Variants in EFNA5 observed in about 807,000 individuals in gnomAD.
The protein encoded by EFNA5 is ephrin A5.
EFNA5 carries 5 observed loss-of-function variants against 22.9 expected under a neutral mutation model. The ratio of observed to expected loss-of-function variants is 0.22; its 90% CI spans 0.11 to 0.46. EFNA5 has a LOEUF of 0.46. Among genes scored for constraint, EFNA5 ranks in the 20% least tolerant of loss-of-function variants. The probability of loss-of-function intolerance (pLI) is 0.99; values close to 1 mark genes in which losing one functional copy is unlikely to be tolerated. For synonymous variants in EFNA5, 113 were observed against 112.2 expected, an observed-to-expected ratio of 1.01 and a Z score of -0.04; for missense variants, 237 against 293.3, an observed-to-expected ratio of 0.81 and a Z score of 1.40.
At position 107,430,571 on chromosome 5, in the gene EFNA5, T is replaced by A. The variant is rs572804835; in HGVS notation, c.126-3062A>T. On this transcript the variant is annotated intron_variant, in intron 1 of 4. Transcript: ENST00000333274. The stretch of plus-strand genomic sequence containing the variant: ...ATGTCAGTTTCTTCATGCCTAGAAG[T>A]TTGCTCTCCTTTCCTAACTCTTACC... 1.2e-4 allele frequency among the ~76,000 whole-genome samples: 18 copies of A among 152,156 alleles called. 1 individual carries two copies. In the South Asian group the frequency reaches 3.7e-3, roughly 32 times the overall value.
intron 1 of EFNA5, among the ~76,000 whole-genome samples, chr5:107,568,698 A>G (rs1478162948): frequency 6.6e-6 from 1 of 152,270 alleles, no homozygotes; most frequent in Non-Finnish European, 1.5e-5. Flanking sequence ...TAACAGAATC[A>G]GAAATGCCAA....
chr5:107,668,586 C>T (rs1357904123), intron 1 of EFNA5, among the ~76,000 whole-genome samples: 1 of 152,110 alleles, frequency 6.6e-6, no homozygotes, highest in Non-Finnish European at 1.5e-5. Flanking sequence ...AGAAAAAGAT[C>T]ACAATGTGGA....
At chr5:107,419,521 C>G (rs1375704373) in intron 2 of EFNA5, among the ~76,000 whole-genome samples, 1 of 152,166 alleles carries the variant, frequency 6.6e-6, no homozygotes, top group African/African-American at 2.4e-5. Flanking sequence ...CAAAGAAAAA[C>G]TAAATAGTTT....
chr5:107,449,518 C>T (rs774117726), intron 1 of EFNA5, among the ~76,000 whole-genome samples: 1 of 152,006 alleles, frequency 6.6e-6, no homozygotes, highest in Non-Finnish European at 1.5e-5. Context: ...TCCCCGCCCC[C>T]CCAACTACAC....
intron 1 of EFNA5, among the ~76,000 whole-genome samples, chr5:107,536,552 T>G (rs1747932441): frequency 6.6e-6 from 1 of 152,208 alleles, no homozygotes; most frequent in African/African-American, 2.4e-5. Flanking sequence ...CATAGGATAC[T>G]GTTTATAATC....
chr5:107,480,642 T>G (rs1417028345), intron 1 of EFNA5, among the ~76,000 whole-genome samples: 1 of 152,112 alleles, frequency 6.6e-6, no homozygotes, highest in Non-Finnish European at 1.5e-5. Flanking sequence ...CTTTCTTAAG[T>G]GTATAAAAAG....
chr5:107,492,084 C>T (rs1361702098), intron 1 of EFNA5, among the ~76,000 whole-genome samples: 3 of 152,186 alleles, frequency 2.0e-5, no homozygotes, highest in Non-Finnish European at 2.9e-5. Context: ...ATCTGCTCAC[C>T]TCTGCCTCCC....
At chr5:107,417,268 CAAT>C (rs1386959330) in intron 2 of EFNA5, among the ~76,000 whole-genome samples, 4 of 152,134 alleles carry the variant, frequency 2.6e-5, no homozygotes, top group Admixed American at 2.6e-4. Flanking sequence ...CAATTCCCAA[CAAT>C]AATAGACCTG....
chr5:107,521,223 G>C (rs910427448), intron 1 of EFNA5, among the ~76,000 whole-genome samples: 1 of 151,996 alleles, frequency 6.6e-6, no homozygotes, highest in Non-Finnish European at 1.5e-5. Context: ...TTAGCCTATG[G>C]TTTGGCAAAA....
intron 1 of EFNA5, among the ~76,000 whole-genome samples, chr5:107,515,799 C>G (rs903779812): frequency 1.3e-4 from 20 of 152,176 alleles, no homozygotes; most frequent in African/African-American, 4.6e-4. Context: ...CCTACTCATG[C>G]TCACGCCCCA....
At chr5:107,613,621 A>G (rs1283498129) in intron 1 of EFNA5, among the ~76,000 whole-genome samples, 1 of 152,146 alleles carries the variant, frequency 6.6e-6, no homozygotes, top group East Asian at 1.9e-4. Flanking sequence ...AATCATTTAC[A>G]TAAAGTATTT....
At chr5:107,630,128 G>T (rs1310038430) in intron 1 of EFNA5, among the ~76,000 whole-genome samples, 1 of 152,094 alleles carries the variant, frequency 6.6e-6, no homozygotes, top group Non-Finnish European at 1.5e-5. Flanking sequence ...TATCATTAGT[G>T]TTAGTGTATT....
chr5:107,471,290 C>T (rs577041600), intron 1 of EFNA5, among the ~76,000 whole-genome samples: 2 of 152,208 alleles, frequency 1.3e-5, no homozygotes, highest in East Asian at 3.9e-4. Flanking sequence ...TCTGTTGATT[C>T]CCCCTTTTTG....
chr5:107,401,389 T>C (rs1370681804), intron 2 of EFNA5, among the ~76,000 whole-genome samples: 1 of 152,342 alleles, frequency 6.6e-6, no homozygotes, highest in East Asian at 1.9e-4. Context: ...TGAAGTTTGC[T>C]AATTACAAAA....
chr5:107,382,787 A>T (rs1017308836), intron 4 of EFNA5, among the ~76,000 whole-genome samples: 1 of 152,176 alleles, frequency 6.6e-6, no homozygotes, highest in Non-Finnish European at 1.5e-5. Flanking sequence ...AGCAGTTGCC[A>T]TCTGGGAATT....
At chr5:107,615,962 T>C (rs942958584) in intron 1 of EFNA5, among the ~76,000 whole-genome samples, 9 of 152,198 alleles carry the variant, frequency 5.9e-5, no homozygotes, top group Non-Finnish European at 8.8e-5. Context: ...AGAACAATTC[T>C]GCATTTATAA....
chr5:107,649,906 A>G (rs1270791886), intron 1 of EFNA5, among the ~76,000 whole-genome samples: 1 of 152,174 alleles, frequency 6.6e-6, no homozygotes, highest in Non-Finnish European at 1.5e-5. Flanking sequence ...TGATTAAGTA[A>G]CTTGTCTAGG....
intron 2 of EFNA5, among the ~76,000 whole-genome samples, chr5:107,425,053 T>C (rs1026955332): frequency 6.6e-6 from 1 of 152,212 alleles, no homozygotes; most frequent in African/African-American, 2.4e-5. Flanking sequence ...AAGCTCTTCA[T>C]ATTTTGAAGC....
rs565406936 is a variant in EFNA5 at position 107,470,927 on chromosome 5, C to G, written c.126-43418G>C. 5.3e-5 allele frequency among the ~76,000 whole-genome samples: 8 copies of G among 152,238 alleles called. No individual in the cohort carries two copies. In the South Asian group the frequency reaches 1.7e-3, roughly 32 times the overall value. The stretch of plus-strand genomic sequence containing the variant: ...GTAAGATGTCTTTTTTATCTCTTTT[C>G]TTCAAGAAAAACCCATCTACTAAGT... On this transcript the variant is annotated intron_variant, in intron 1 of 4. Coordinates refer to ENST00000333274, the MANE Select transcript of EFNA5 (RefSeq NM_001962.3).
Sources: allele counts gnomAD v4.1 joint callset (sites outside exome capture counted in the v4.1 genomes callset), GRCh38; gene constraint gnomAD v4.1.1; transcripts MANE v1.5; gene names NCBI Gene and HGNC (gene_info 2026-07-23, HGNC 2026-07-21).